Variants in TNKS observed in about 807,000 individuals in gnomAD.
TNKS encodes the protein poly [ADP-ribose] polymerase tankyrase-1.
In TNKS, 72 loss-of-function variants were observed where a neutral mutation model predicts 135.8. That is an observed-to-expected ratio of 0.53 (90% confidence interval 0.44 to 0.64). The LOEUF (loss-of-function observed/expected upper bound fraction) is 0.64, where lower values mean the gene tolerates loss of function less well. Among genes scored for constraint, TNKS ranks in the 30% least tolerant of loss-of-function variants. The pLI is 0.00. For synonymous variants in TNKS, 849 were observed against 649.3 expected, an observed-to-expected ratio of 1.31 and a Z score of -4.68; for missense variants, 1,769 against 1,674.0, an observed-to-expected ratio of 1.06 and a Z score of -0.99.
At chr8:9,662,247 A>G (rs79344565) in intron 3 of TNKS, among the ~76,000 whole-genome samples, 15,241 of 152,260 alleles carry the variant, frequency 0.1, 1,078 homozygotes, top group East Asian at 0.21. Context: ...ATTACTGGGT[A>G]TATACCCAAA....
At chr8:9,611,137 G>C (rs1799444116) in intron 2 of TNKS, among the ~76,000 whole-genome samples, 3 of 152,160 alleles carry the variant, frequency 2.0e-5, no homozygotes, top group South Asian at 4.1e-4. Flanking sequence ...TGTTATGCCA[G>C]CTGCTACATT....
chr8:9,761,122 C>G (rs1346176868), intron 20 of TNKS, among the ~76,000 whole-genome samples: 1 of 152,126 alleles, frequency 6.6e-6, no homozygotes, highest in Non-Finnish European at 1.5e-5. Flanking sequence ...CCCTTTCCCC[C>G]ACCGTTCATT....
At chr8:9,587,007 A>G (rs1189355574) in intron 2 of TNKS, among the ~76,000 whole-genome samples, 5 of 152,212 alleles carry the variant, frequency 3.3e-5, no homozygotes, top group African/African-American at 7.2e-5. Flanking sequence ...AAGAAGTTAC[A>G]TGCTATATGT....
intron 3 of TNKS, among the ~76,000 whole-genome samples, chr8:9,635,730 A>G (rs1008592082): frequency 6.6e-6 from 1 of 152,226 alleles, no homozygotes; most frequent in Non-Finnish European, 1.5e-5. Context: ...CTAGGGAGGC[A>G]TGACTAAATC....
intron 3 of TNKS, among the ~76,000 whole-genome samples, chr8:9,657,728 G>T (rs1355306244): frequency 7.8e-6 from 1 of 127,840 alleles, no homozygotes; most frequent in Non-Finnish European, 1.7e-5. Context: ...AGGGGCGGCC[G>T]GGCAGAGGCG....
intron 2 of TNKS, among the ~76,000 whole-genome samples, chr8:9,593,877 T>TTATTA (rs1407249329): frequency 7.7e-6 from 1 of 130,620 alleles, no homozygotes; most frequent in African/African-American, 3.4e-5. Context: ...TATTTATTTA[T>TTATTA]TTATTATTAT....
chr8:9,653,519 A>G (rs1277277178), intron 3 of TNKS, among the ~76,000 whole-genome samples: 1 of 151,754 alleles, frequency 6.6e-6, no homozygotes, highest in East Asian at 2.0e-4. Context: ...AGCAGAGAAG[A>G]AGAAGGGGAA....
intron 3 of TNKS, among the ~76,000 whole-genome samples, chr8:9,665,638 A>G (rs181369521): frequency 6.6e-6 from 1 of 152,296 alleles, no homozygotes; most frequent in East Asian, 1.9e-4. Flanking sequence ...ATCTCTTGGC[A>G]TATACATGTG....
chr8:9,643,669 G>A (rs1008442439), intron 3 of TNKS, among the ~76,000 whole-genome samples: 1 of 152,106 alleles, frequency 6.6e-6, no homozygotes, highest in South Asian at 2.1e-4. Context: ...AGCACTGTTG[G>A]TGGGATTGTA....
chr8:9,694,890 A>G (rs996305897), intron 5 of TNKS, among the ~76,000 whole-genome samples: 2 of 152,188 alleles, frequency 1.3e-5, no homozygotes, highest in Non-Finnish European at 2.9e-5. Context: ...CTAAGAAATT[A>G]AAAATATTTA....
intron 3 of TNKS, among the ~76,000 whole-genome samples, chr8:9,642,515 G>T (rs2128777172): frequency 6.8e-6 from 1 of 146,464 alleles, no homozygotes; most frequent in South Asian, 2.2e-4. Context: ...AAAGCAGAAT[G>T]ATGTCATCCT....
At chr8:9,773,052 AAAGG>A (rs773699424) in intron 26 of TNKS, among the ~76,000 whole-genome samples, 18 of 151,864 alleles carry the variant, frequency 1.2e-4, no homozygotes, top group Non-Finnish European at 2.1e-4. Context: ...AAGTTTACAA[AAAGG>A]AAGGAATAAA....
chr8:9,636,308 GA>G (rs944475242), intron 3 of TNKS, among the ~76,000 whole-genome samples: 14 of 152,236 alleles, frequency 9.2e-5, no homozygotes, highest in African/African-American at 3.4e-4. Flanking sequence ...CTGGGCATAA[GA>G]AAGAAAAAGG....
At chr8:9,717,072 A>AATATATATATATAT (rs368231440) in intron 11 of TNKS, among the ~76,000 whole-genome samples, 109 of 79,440 alleles carry the variant, frequency 1.4e-3, no homozygotes, top group East Asian at 3.6e-3. Flanking sequence ...GTTGTATTAT[A>AATATATATATATAT]ATATATATAT....
chr8:9,562,125 C>G (rs994189199), intron 1 of TNKS, among the ~76,000 whole-genome samples: 1 of 151,962 alleles, frequency 6.6e-6, no homozygotes, highest in Non-Finnish European at 1.5e-5. Flanking sequence ...CCTTATATAT[C>G]TTTTATGAAG....
At chr8:9,718,199 G>A (rs6601357) in intron 11 of TNKS, among the ~76,000 whole-genome samples, 147,732 of 152,270 alleles carry the variant, frequency 0.97, 71,805 homozygotes, top group East Asian at 1. Flanking sequence ...TCAATTTGTT[G>A]TGGTTTGAGA....
At chr8:9,653,825 C>T (rs1268230705) in intron 3 of TNKS, among the ~76,000 whole-genome samples, 2 of 152,168 alleles carry the variant, frequency 1.3e-5, no homozygotes, top group South Asian at 2.1e-4. Flanking sequence ...TCCCCTCACT[C>T]TTGTTCCTTT....
At chr8:9,734,296 AC>A (rs1255465155) in intron 15 of TNKS, among the ~76,000 whole-genome samples, 1 of 152,192 alleles carries the variant, frequency 6.6e-6, no homozygotes, top group Non-Finnish European at 1.5e-5. Flanking sequence ...ACTTCTATTT[AC>A]TTTATTTAAT....
At chr8:9,648,166 A>G (rs1225811125) in intron 3 of TNKS, among the ~76,000 whole-genome samples, 1 of 152,202 alleles carries the variant, frequency 6.6e-6, no homozygotes, top group Non-Finnish European at 1.5e-5. Flanking sequence ...ATTGTACACT[A>G]CTATAGACTT....
Sources: gnomAD v4.1 joint callset for allele counts (sites outside exome capture counted in the v4.1 genomes callset) on GRCh38, gnomAD v4.1.1 for gene constraint, MANE v1.5 for transcripts, NCBI Gene and HGNC (gene_info 2026-07-23, HGNC 2026-07-21) for gene names.